The following HOMER1 variants were observed in gnomAD, a reference collection of about 807,000 sequenced individuals.
HOMER1 encodes the protein homer protein homolog 1.
A neutral mutation model predicts 48.9 loss-of-function variants in HOMER1; 3 were observed. The ratio of observed to expected loss-of-function variants is 0.06; its 90% CI spans 0.03 to 0.16. The LOEUF is 0.16. HOMER1 is among the 10% of genes least tolerant of loss of function. The probability of loss-of-function intolerance (pLI) is 1.00; values close to 1 mark genes in which losing one functional copy is unlikely to be tolerated. For missense variants in HOMER1, 247 were observed against 411.4 expected, an observed-to-expected ratio of 0.60 and a Z score of 3.46; for synonymous variants, 134 against 146.4, an observed-to-expected ratio of 0.92 and a Z score of 0.61.
At chr5:79,451,711 G>A (rs74847541) in intron 2 of HOMER1, among the ~76,000 whole-genome samples, 6,432 of 151,486 alleles carry the variant, frequency 0.042, 342 homozygotes, top group East Asian at 0.28. Flanking sequence ...GACTACAGGC[G>A]CCCACTACCA....
chr5:79,492,560 G>T (rs1216030420), intron 1 of HOMER1, among the ~76,000 whole-genome samples: 1 of 152,020 alleles, frequency 6.6e-6, no homozygotes, highest in Admixed American at 6.6e-5. Flanking sequence ...GAGCGCAAGT[G>T]CTTCGCATGT....
intron 3 of HOMER1, among the ~76,000 whole-genome samples, chr5:79,449,447 A>G (rs1402065483): frequency 7.1e-6 from 1 of 141,368 alleles, no homozygotes. Flanking sequence ...TAAGATGTGT[A>G]CAAGAGAAAC....
At chr5:79,476,110 G>A (rs1414069897) in intron 1 of HOMER1, among the ~76,000 whole-genome samples, 2 of 152,050 alleles carry the variant, frequency 1.3e-5, no homozygotes, top group African/African-American at 4.8e-5. Context: ...ATATAAATAG[G>A]AATCCAGTCA....
chr5:79,418,295 C>T (rs1385017808), intron 5 of HOMER1, among the ~76,000 whole-genome samples: 2 of 152,114 alleles, frequency 1.3e-5, no homozygotes, highest in East Asian at 1.9e-4. Context: ...CTACTGATTG[C>T]GCAGCTATTA....
At chr5:79,474,080 G>A (rs1480356110) in intron 1 of HOMER1, among the ~76,000 whole-genome samples, 2 of 151,990 alleles carry the variant, frequency 1.3e-5, no homozygotes, top group Non-Finnish European at 2.9e-5. Flanking sequence ...CTCCCAGGCT[G>A]GAGTGCAGTA....
At chr5:79,509,639 G>T (rs1429292394) in intron 1 of HOMER1, among the ~76,000 whole-genome samples, 2 of 151,930 alleles carry the variant, frequency 1.3e-5, no homozygotes, top group Non-Finnish European at 2.9e-5. Flanking sequence ...TGCCTTCACT[G>T]CAATTAACAG....
intron 2 of HOMER1, among the ~76,000 whole-genome samples, chr5:79,455,492 C>CT (rs1751148354): frequency 6.6e-6 from 1 of 152,186 alleles, no homozygotes; most frequent in Non-Finnish European, 1.5e-5. Context: ...CCTGTGAAGA[C>CT]GTACCTTCTG....
At chr5:79,453,388 T>C (rs776904671) in intron 2 of HOMER1, among the ~76,000 whole-genome samples, 3 of 152,216 alleles carry the variant, frequency 2.0e-5, no homozygotes, top group Non-Finnish European at 4.4e-5. Flanking sequence ...CCCCTCATTT[T>C]AACTATTTCA....
intron 1 of HOMER1, among the ~76,000 whole-genome samples, chr5:79,505,256 T>A (rs575476131): frequency 3.3e-5 from 5 of 152,044 alleles, no homozygotes; most frequent in African/African-American, 1.2e-4. Context: ...AAGACTCTGT[T>A]TCAAAAAAGA....
At chr5:79,399,053 C>T (rs538701883) in intron 6 of HOMER1, among the ~76,000 whole-genome samples, 12 of 152,258 alleles carry the variant, frequency 7.9e-5, no homozygotes, top group African/African-American at 2.9e-4. Flanking sequence ...TGTTTTGTCT[C>T]ATTATATAAT....
At chr5:79,395,158 A>G (rs1203552364) in intron 8 of HOMER1, among the ~76,000 whole-genome samples, 2 of 152,188 alleles carry the variant, frequency 1.3e-5, no homozygotes, top group African/African-American at 4.8e-5. Flanking sequence ...GGGATACCTC[A>G]CCTGCTACTG....
intron 1 of HOMER1, among the ~76,000 whole-genome samples, chr5:79,470,630 T>C (rs910774526): frequency 6.6e-6 from 1 of 152,166 alleles, no homozygotes; most frequent in African/African-American, 2.4e-5. Flanking sequence ...CCATGAGTTG[T>C]CTTTTTTTAC....
At chr5:79,405,088 A>G (rs1317697111) in intron 5 of HOMER1, among the ~76,000 whole-genome samples, 1 of 152,058 alleles carries the variant, frequency 6.6e-6, no homozygotes, top group Admixed American at 6.5e-5. Context: ...AACTCCCAGG[A>G]TCTCACAGTA....
chr5:79,420,650 G>A (rs1342617190), intron 5 of HOMER1, among the ~76,000 whole-genome samples: 1 of 152,156 alleles, frequency 6.6e-6, no homozygotes, highest in Non-Finnish European at 1.5e-5. Context: ...TCAAATATTT[G>A]TTAAAACTGT....
chr5:79,378,553 GT>G (rs1748839195), intron 8 of HOMER1, among the ~76,000 whole-genome samples: 1 of 152,084 alleles, frequency 6.6e-6, no homozygotes, highest in African/African-American at 2.4e-5. Flanking sequence ...ACACATGGAG[GT>G]TTTAACTATG....
chr5:79,488,903 T>C (rs747585438), intron 1 of HOMER1, among the ~76,000 whole-genome samples: 64 of 152,304 alleles, frequency 4.2e-4, no homozygotes, highest in Non-Finnish European at 7.4e-4. Context: ...AACCTAGATC[T>C]GATGGTAAGC....
At chr5:79,434,389 A>G (rs1480836397) in intron 5 of HOMER1, among the ~76,000 whole-genome samples, 4 of 152,028 alleles carry the variant, frequency 2.6e-5, no homozygotes, top group Non-Finnish European at 4.4e-5. Context: ...AGCTGATGCT[A>G]TGAAGCAAAC....
At chr5:79,450,311 T>A (rs1005876598) in intron 3 of HOMER1, among the ~76,000 whole-genome samples, 1 of 152,220 alleles carries the variant, frequency 6.6e-6, no homozygotes, top group African/African-American at 2.4e-5. Context: ...TTTTTTCTTA[T>A]ATATTCTTTT....
chr5:79,410,723 A>G (rs1271111841), intron 5 of HOMER1, among the ~76,000 whole-genome samples: 2 of 152,192 alleles, frequency 1.3e-5, no homozygotes, highest in East Asian at 1.9e-4. Flanking sequence ...CCTTTCTTTA[A>G]TATTCAAATC....
Sources: allele counts gnomAD v4.1 joint callset (sites outside exome capture counted in the v4.1 genomes callset), GRCh38; gene constraint gnomAD v4.1.1; transcripts MANE v1.5; gene names NCBI Gene and HGNC (gene_info 2026-07-23, HGNC 2026-07-21).